Variants in MERTK observed in about 807,000 individuals in gnomAD.
MERTK encodes tyrosine-protein kinase Mer.
In MERTK, 69 loss-of-function variants were observed where a neutral mutation model predicts 99.3. That is an observed-to-expected ratio of 0.70 (90% CI 0.57 to 0.85). The LOEUF (loss-of-function observed/expected upper bound fraction) is 0.85. Ranked by LOEUF, MERTK falls within the 40% of genes least tolerant of loss-of-function variation. The pLI is 0.00. For synonymous variants in MERTK, 426 were observed against 467.6 expected (o/e 0.91, Z 1.15); for missense variants, 1,125 against 1,249.4 (o/e 0.90, Z 1.50).
At chr2:112,001,092 G>A (rs772177451) in intron 10 of MERTK, 109 bp from the exon 11 acceptor site, 7 of 818,092 alleles carry the variant, frequency 8.6e-6, no homozygotes, top group Non-Finnish European at 1.5e-5. Flanking sequence ...AGCTTTTGTT[G>A]TAGAAGAGCC....
intron 3 of MERTK, among the ~76,000 whole-genome samples, chr2:111,945,529 G>C (rs541379534): frequency 5.3e-5 from 8 of 152,346 alleles, no homozygotes; most frequent in Non-Finnish European, 8.8e-5. Context: ...TGGCTCAACA[G>C]CTCAGCCTGA....
At chr2:111,927,357 A>T (rs945126216) in intron 1 of MERTK, among the ~76,000 whole-genome samples, 8 of 152,176 alleles carry the variant, frequency 5.3e-5, no homozygotes, top group Non-Finnish European at 8.8e-5. Context: ...CTTGGCAGAG[A>T]GGAACCTAGA....
chr2:111,936,627 A>G (rs1206004451), intron 2 of MERTK, among the ~76,000 whole-genome samples: 1 of 151,972 alleles, frequency 6.6e-6, no homozygotes, highest in East Asian at 1.9e-4. Context: ...GGTGTAGAAA[A>G]CATTCAGTGT....
chr2:111,986,144 C>T (rs562634622), intron 8 of MERTK, among the ~76,000 whole-genome samples: 9 of 152,288 alleles, frequency 5.9e-5, no homozygotes, highest in East Asian at 1.9e-4. Flanking sequence ...CTTAGAAGTC[C>T]GTGTTGTTCT....
chr2:111,976,790 A>AT (rs1406816328), intron 7 of MERTK, among the ~76,000 whole-genome samples: 1 of 150,996 alleles, frequency 6.6e-6, no homozygotes, highest in African/African-American at 2.4e-5. Context: ...TATGTTTAAT[A>AT]TTTTTATGAT....
Position 111,905,749 on chromosome 2 carries a change from G to A in MERTK, c.61+6953G>A, listed in dbSNP as rs139495237. Among the ~76,000 whole-genome samples, 969 of 152,098 alleles carry A rather than the reference G, an allele frequency of 6.4e-3. 9 individuals are homozygous for A. Among genetic ancestry groups the A allele is most frequent in the African/African-American group, 0.022 (915 of 41,480 alleles). ...CTCCCAAAGTGCTGGGATTATAGGC[G>A]TGAGCCACCGTGCCCAGCCAGAAAC... On this transcript the variant is annotated intron_variant, in intron 1 of 18. Coordinates refer to ENST00000295408, the MANE Select transcript of MERTK (RefSeq NM_006343.3).
intron 1 of MERTK, among the ~76,000 whole-genome samples, chr2:111,922,933 T>A (rs1029820204): frequency 6.6e-6 from 1 of 152,232 alleles, no homozygotes; most frequent in African/African-American, 2.4e-5. Flanking sequence ...TGGCTTGCCC[T>A]AATGAACGAA....
chr2:112,028,936 T>C lies in MERTK; in HGVS notation c.*72T>C. 6.2e-7 allele frequency: 1 copy of C among 1,603,502 alleles called. No homozygotes were observed. The highest frequency in any genetic ancestry group is 2.2e-5 in the East Asian group (1 of 44,814). On this transcript the variant is annotated 3_prime_UTR_variant, in exon 19 of 19. Transcript: ENST00000295408. ...TGTAGGAGAATCCAATTGTACCTGATGTTTTTGGTATTTGTCTTCCTTACC... is the reference window on the plus strand; with the variant it reads ...TGTAGGAGAATCCAATTGTACCTGACGTTTTTGGTATTTGTCTTCCTTACC...
At chr2:111,978,119 T>G (rs553793138) in intron 7 of MERTK, among the ~76,000 whole-genome samples, 67 of 23,776 alleles carry the variant, frequency 2.8e-3, no homozygotes, top group African/African-American at 7.0e-3. Flanking sequence ...TAATTTTTGG[T>G]TTTTTTTTTT....
intron 4 of MERTK, among the ~76,000 whole-genome samples, chr2:111,960,997 G>A (rs1382871215): frequency 2.6e-5 from 4 of 151,568 alleles, no homozygotes; most frequent in African/African-American, 4.9e-5. Context: ...TGTGTAATGG[G>A]TGTGAGAGAA....
intron 2 of MERTK, among the ~76,000 whole-genome samples, chr2:111,932,218 G>A (rs1399420355): frequency 6.6e-6 from 1 of 152,150 alleles, no homozygotes; most frequent in Non-Finnish European, 1.5e-5. Flanking sequence ...GTCTTGCTCT[G>A]TCGCCCAGGC....
chr2:112,021,692 G>T (rs1301441052), intron 17 of MERTK, 111 bp downstream of exon 17: 7 of 1,009,618 alleles, frequency 6.9e-6, no homozygotes, highest in Non-Finnish European at 1.1e-5. Flanking sequence ...TAAACTGAGG[G>T]TTGGCAGCTT....
At chr2:111,922,662 A>G (rs374972257) in intron 1 of MERTK, among the ~76,000 whole-genome samples, 1 of 152,208 alleles carries the variant, frequency 6.6e-6, no homozygotes, top group Admixed American at 6.5e-5. Context: ...CTCGATGCCT[A>G]TCAGCTCCTA....
intron 18 of MERTK, among the ~76,000 whole-genome samples, chr2:112,026,878 A>G (rs900096769): frequency 6.6e-6 from 1 of 152,226 alleles, no homozygotes; most frequent in South Asian, 2.1e-4. Flanking sequence ...TGGAAATTGC[A>G]TATTTCTGTT....
intron 2 of MERTK, chr2:111,940,983 G>A: frequency 1.7e-6 from 1 of 601,840 alleles, no homozygotes; most frequent in Non-Finnish European, 3.2e-6. Flanking sequence ...CATCTTTGCA[G>A]TTGAAACCGG....
At chr2:111,954,330 G>T (rs1172251609) in intron 4 of MERTK, among the ~76,000 whole-genome samples, 1 of 152,040 alleles carries the variant, frequency 6.6e-6, no homozygotes, top group African/African-American at 2.4e-5. Context: ...CACAGATCAC[G>T]GCTCTCCTCT....
intron 1 of MERTK, among the ~76,000 whole-genome samples, chr2:111,916,589 T>C (rs1452893582): frequency 6.6e-6 from 1 of 152,196 alleles, no homozygotes; most frequent in Non-Finnish European, 1.5e-5. Context: ...TTACTGAGAC[T>C]TTGTATTTCT....
At chr2:111,949,017 G>A (rs1685009385) in intron 4 of MERTK, among the ~76,000 whole-genome samples, 1 of 151,670 alleles carries the variant, frequency 6.6e-6, no homozygotes, top group Non-Finnish European at 1.5e-5. Context: ...ACTTCTCTAG[G>A]CACATCCTGT....
intron 2 of MERTK, among the ~76,000 whole-genome samples, chr2:111,933,370 A>C (rs1324912195): frequency 8.5e-5 from 13 of 152,196 alleles, no homozygotes; most frequent in Admixed American, 8.5e-4. Flanking sequence ...TTTTGTTAGA[A>C]ATTCATTAGC....
Sources: allele counts gnomAD v4.1 joint callset (sites outside exome capture counted in the v4.1 genomes callset), GRCh38; gene constraint gnomAD v4.1.1; transcripts MANE v1.5; gene names NCBI Gene and HGNC (gene_info 2026-07-23, HGNC 2026-07-21).